ABLIM3: variants seen among roughly 807,000 people sequenced by gnomAD.
ABLIM3 encodes the protein actin-binding LIM protein 3.
In ABLIM3, 61 loss-of-function variants were observed where a neutral mutation model predicts 109.5. The ratio of observed to expected loss-of-function variants is 0.56; its 90% CI spans 0.45 to 0.69. ABLIM3 has a LOEUF of 0.69. Ranked by LOEUF, ABLIM3 falls within the 30% of genes least tolerant of loss-of-function variation. The pLI is 0.00. For missense variants in ABLIM3, 796 were observed against 889.5 expected (o/e 0.89, Z 1.34); for synonymous variants, 300 against 324.8 (o/e 0.92, Z 0.82).
At chr5:149,191,514 T>C (rs1757474372) in intron 3 of ABLIM3, among the ~76,000 whole-genome samples, 1 of 152,016 alleles carries the variant, frequency 6.6e-6, no homozygotes, top group Non-Finnish European at 1.5e-5. Context: ...AAATCATCTA[T>C]GTCTTATAGA....
At chr5:149,167,978 A>G (rs752255988) in intron 2 of ABLIM3, among the ~76,000 whole-genome samples, 2 of 152,158 alleles carry the variant, frequency 1.3e-5, no homozygotes, top group Non-Finnish European at 2.9e-5. Flanking sequence ...TTAAGGGGAG[A>G]AGGAAGAACT....
In ABLIM3 at chr5:149,260,001, C is replaced by T. The variant is rs1370194243; in HGVS notation, c.*1597C>T. ...GGATATGCCTACCAATAGCGGGTAT[C>T]GTAAGGCATGTACCCAAACATAACG... On this transcript the variant is annotated 3_prime_UTR_variant, in exon 24 of 24. Transcript: ENST00000309868. 1 of 193,708 alleles carries T rather than the reference C, an allele frequency of 5.2e-6. No homozygotes were observed. The highest frequency in any genetic ancestry group is 2.3e-5 in the African/African-American group (1 of 42,994). 12.0% of individuals were successfully genotyped at this position (193,708 alleles called of 1,614,324 possible).
At chr5:149,255,944 A>G (rs1206688840) in intron 23 of ABLIM3, among the ~76,000 whole-genome samples, 10 of 152,196 alleles carry the variant, frequency 6.6e-5, no homozygotes, top group Non-Finnish European at 1.3e-4. Flanking sequence ...AGACACTAGG[A>G]TGCTCCCATT....
chr5:149,181,803 A>T (rs542070722), intron 2 of ABLIM3, among the ~76,000 whole-genome samples: 3 of 152,362 alleles, frequency 2.0e-5, no homozygotes, highest in African/African-American at 7.2e-5. Context: ...ATCCGAGGTT[A>T]TGCTACAGTC....
chr5:149,245,359 G>T (rs1044388015), intron 16 of ABLIM3, among the ~76,000 whole-genome samples: 2 of 152,192 alleles, frequency 1.3e-5, no homozygotes, highest in Non-Finnish European at 2.9e-5. Flanking sequence ...CCACTCAGCT[G>T]CCATCAGGAG....
At chr5:149,249,766 T>C (rs768758712) in intron 18 of ABLIM3, 49 bp from the exon 19 acceptor site, 1 of 1,611,538 alleles carries the variant, frequency 6.2e-7, no homozygotes, top group Non-Finnish European at 8.5e-7. Context: ...GTCTTCACCA[T>C]GTTTGTCTTT....
chr5:149,171,018 A>G (rs1755363421), intron 2 of ABLIM3, among the ~76,000 whole-genome samples: 2 of 152,218 alleles, frequency 1.3e-5, no homozygotes, highest in South Asian at 4.1e-4. Context: ...CTAATCAGGA[A>G]TAATTCATAA....
intron 3 of ABLIM3, among the ~76,000 whole-genome samples, chr5:149,195,787 A>G (rs1757910590): frequency 6.6e-6 from 1 of 152,196 alleles, no homozygotes; most frequent in Non-Finnish European, 1.5e-5. Flanking sequence ...TGATGTGATG[A>G]ATTTTCATAA....
intron 5 of ABLIM3, among the ~76,000 whole-genome samples, chr5:149,206,374 G>C (rs967470192): frequency 6.6e-6 from 1 of 152,182 alleles, no homozygotes; most frequent in Non-Finnish European, 1.5e-5. Flanking sequence ...TGGTAATTCT[G>C]TTTGTTGCCT....
chr5:149,186,883 CAGA>C (rs1390801218), intron 3 of ABLIM3, among the ~76,000 whole-genome samples: 1 of 151,160 alleles, frequency 6.6e-6, no homozygotes, highest in East Asian at 1.9e-4. Context: ...AGCAATAGTG[CAGA>C]AGATTTGAAA....
chr5:149,205,404 C>T (rs1414234514), intron 5 of ABLIM3, among the ~76,000 whole-genome samples: 1 of 152,160 alleles, frequency 6.6e-6, no homozygotes, highest in Non-Finnish European at 1.5e-5. Flanking sequence ...ACTCTGTGAA[C>T]TCCAAACCCC....
rs541359972 is a variant in ABLIM3 at position 149,160,696 on chromosome 5, AG to A, written c.13+18590del. Among the ~76,000 whole-genome samples the A allele has an allele frequency of 2.4e-4, 37 of 152,310 alleles. No homozygotes were observed. In the South Asian group the frequency reaches 3.5e-3, roughly 15 times the overall value. On this transcript the variant is annotated intron_variant, in intron 2 of 23. Coordinates refer to ENST00000309868, the MANE Select transcript of ABLIM3 (RefSeq NM_014945.5). ...AAAAGCTTTTTGTGTCAAGGGACTC[AG>A]GAAAGGCTTAGGACATCCTGTGCTT...
In ABLIM3 at chr5:149,141,665, G is replaced by C. The variant is rs1752466555; in HGVS notation, c.-88+11G>C. On this transcript the variant is annotated intron_variant, in intron 1 of 23. Transcript: ENST00000309868. ...GACACTGGCCGAGAGGTGGGTTCCG[G>C]GGCGGGTCGCTGCTCCTTGAAGCCG... The C allele has an allele frequency of 1.1e-5, 2 of 182,352 alleles. No individual in the cohort carries two copies. The highest frequency in any genetic ancestry group is 4.7e-5 in the African/African-American group (2 of 42,230). The allele number at this position is 182,352 out of a possible 1,614,324, so 11.3% of individuals were successfully genotyped here. A position where few individuals can be genotyped will look rare whatever the true frequency, so the allele number is the denominator to read the frequency against.
chr5:149,222,935 C>G (rs1027939235), intron 8 of ABLIM3, among the ~76,000 whole-genome samples: 1 of 152,132 alleles, frequency 6.6e-6, no homozygotes, highest in Non-Finnish European at 1.5e-5. Flanking sequence ...GATCTCTCTA[C>G]TGACAGCTTA....
intron 10 of ABLIM3, among the ~76,000 whole-genome samples, chr5:149,234,881 T>C (rs1248077153): frequency 6.6e-6 from 1 of 152,190 alleles, no homozygotes; most frequent in Admixed American, 6.5e-5. Context: ...CACAAGCTGG[T>C]CTCCCGGTGC....
At chr5:149,165,259 C>T (rs184830403) in intron 2 of ABLIM3, among the ~76,000 whole-genome samples, 95 of 152,280 alleles carry the variant, frequency 6.2e-4, no homozygotes, top group African/African-American at 2.2e-3. Context: ...TTCTCTAGCC[C>T]ATTGAATGAT....
intron 2 of ABLIM3, among the ~76,000 whole-genome samples, chr5:149,166,523 G>T (rs1263201667): frequency 2.6e-5 from 4 of 152,192 alleles, no homozygotes; most frequent in Admixed American, 2.0e-4. Context: ...CTCCCAGTAT[G>T]TTAGAGAATT....
chr5:149,247,617 T>C (rs772291716), intron 17 of ABLIM3, 165 bp from the exon 18 acceptor site: 105 of 924,424 alleles, frequency 1.1e-4, no homozygotes, highest in Middle Eastern at 2.1e-4. Flanking sequence ...CAAGATGAGA[T>C]TGCAACAGGA....
At chr5:149,145,415 C>T (rs763060086) in intron 2 of ABLIM3, among the ~76,000 whole-genome samples, 2 of 152,076 alleles carry the variant, frequency 1.3e-5, no homozygotes, top group African/African-American at 2.4e-5. Flanking sequence ...AGGTTGATTC[C>T]GTATCTTTAT....
Sources: gnomAD v4.1 joint callset for allele counts (sites outside exome capture counted in the v4.1 genomes callset) on GRCh38, gnomAD v4.1.1 for gene constraint, MANE v1.5 for transcripts, NCBI Gene and HGNC (gene_info 2026-07-23, HGNC 2026-07-21) for gene names.